Variants in WIPF1 observed in about 807,000 individuals in gnomAD.
The protein encoded by WIPF1 is WAS/WASL interacting protein family member 1.
Under a neutral mutation model 35.4 loss-of-function variants are expected in WIPF1, and 13 were observed. The ratio of observed to expected loss-of-function variants is 0.37; its 90% CI spans 0.24 to 0.58. The LOEUF is 0.58. WIPF1 is among the 20% of genes least tolerant of loss of function. WIPF1 has a pLI of 0.74. For missense variants in WIPF1, 591 were observed against 667.0 expected (o/e 0.89, Z 1.25); for synonymous variants, 267 against 266.3 (o/e 1.00, Z -0.02).
chr2:174,592,525 T>C (rs1467295995), intron 1 of WIPF1, among the ~76,000 whole-genome samples: 2 of 151,926 alleles, frequency 1.3e-5, no homozygotes, highest in Non-Finnish European at 2.9e-5. Flanking sequence ...GTATCAGAAA[T>C]AATATAACTG....
rs559263280 is a variant in WIPF1 at position 174,616,390 on chromosome 2, C to T, written c.-38-30779G>A. ...TCCTCTTCACGAGACAGGGAGGCCT[C>T]GACCCCTGCTGGAATGGCAAGTCTG... On this transcript the variant is annotated intron_variant, in intron 1 of 8. Transcript: ENST00000272746. Among the ~76,000 whole-genome samples, 82 of 152,210 alleles carry T rather than the reference C, an allele frequency of 5.4e-4. 1 individual carries two copies. Among genetic ancestry groups the T allele is most frequent in the Admixed American group, 5.0e-3 (76 of 15,288 alleles).
chr2:174,672,456 C>A (rs1050799434), intron 1 of WIPF1, among the ~76,000 whole-genome samples: 4 of 152,118 alleles, frequency 2.6e-5, no homozygotes, highest in Non-Finnish European at 5.9e-5. Flanking sequence ...CAATGAGATT[C>A]AAGTATAAAC....
intron 1 of WIPF1, among the ~76,000 whole-genome samples, chr2:174,605,847 A>G (rs1686145546): frequency 6.6e-6 from 1 of 152,100 alleles, no homozygotes; most frequent in African/African-American, 2.4e-5. Context: ...AACAAAAAGC[A>G]TTAAAAAAAA....
At position 174,571,769 on chromosome 2, in the gene WIPF1, G is replaced by A. The variant is rs772694388; in HGVS notation, c.1036C>T (p.Pro346Ser). The A allele has an allele frequency of 3.7e-6, 6 of 1,614,226 alleles. No homozygotes were observed. The South Asian group carries it at 4.4e-5, about 12-fold the overall frequency. ...QRNLSLSSST[P>S]PLPSPGRSGP... Reference sequence around the variant, plus strand: ...GAACGTCCTGGCGAAGGTAACGGGGGCGTGGACGAACTGAGGGACAGATTC... The same window carrying A: ...GAACGTCCTGGCGAAGGTAACGGGGACGTGGACGAACTGAGGGACAGATTC... The change falls in exon 5 of 8, where the codon CCC becomes TCC. Residue 346 changes from proline to serine, a missense_variant. This residue lies in a region of WIPF1 where 471 missense variants were observed against 501.1 expected (regional missense o/e 0.94). Transcript: ENST00000679041. The surrounding 1 kb of genome is among the most constrained non-coding windows in gnomAD (Gnocchi z 4.6).
chr2:174,662,602 TAGTA>T (rs1429562261), intron 1 of WIPF1, among the ~76,000 whole-genome samples: 24 of 152,344 alleles, frequency 1.6e-4, no homozygotes, highest in African/African-American at 5.5e-4. Flanking sequence ...CGTGAGTTTC[TAGTA>T]AGTGTTTCTA....
chr2:174,579,671 T>C (rs1382422770), intron 3 of WIPF1, among the ~76,000 whole-genome samples: 1 of 152,194 alleles, frequency 6.6e-6, no homozygotes, highest in African/African-American at 2.4e-5. Context: ...AAGTGGACAT[T>C]GAAGAATACA....
intron 1 of WIPF1, among the ~76,000 whole-genome samples, chr2:174,638,260 A>G (rs1182406773): frequency 1.3e-5 from 2 of 152,190 alleles, no homozygotes; most frequent in Non-Finnish European, 2.9e-5. Flanking sequence ...AGTCTATTTA[A>G]TTTTATTTTT....
chr2:174,567,172 T>C lies in WIPF1; in HGVS notation c.1354A>G (p.Ser452Gly), dbSNP rs2105794887. ...GAAATCGGATGGAAGTAGAATCTGCTTTCCCACTCATCTGGGAAGAGAAAC... is the reference window on the plus strand; with the variant it reads ...GAAATCGGATGGAAGTAGAATCTGCCTTCCCACTCATCTGGGAAGAGAAAC... ...QDSPCEDEWE[S>G]RFYFHPISDL... is the part of the protein sequence containing the mutation. Residue 452 changes from serine (S) to glycine (G), a missense_variant, in exon 7 of 8, where the codon AGC becomes GGC. By Grantham distance (56) the Ser-to-Gly change is moderately conservative. Transcript: ENST00000679041. 6.2e-7 allele frequency: 1 copy of C among 1,614,160 alleles called. No individual in the cohort carries two copies.
intron 1 of WIPF1, among the ~76,000 whole-genome samples, chr2:174,627,430 T>TTTCCTTTCTCTTTCTTTCCTTTCTTTC: frequency 6.9e-6 from 1 of 145,538 alleles, no homozygotes; most frequent in East Asian, 1.9e-4. Flanking sequence ...TCCTTCTTTC[T>TTTCCTTTCTCTTTCTTTCCTTTCTTTC]TTCCTTTCTC....
chr2:174,588,620 G>GT (rs1326963517), intron 1 of WIPF1, among the ~76,000 whole-genome samples: 1 of 152,204 alleles, frequency 6.6e-6, no homozygotes, highest in Non-Finnish European at 1.5e-5. Context: ...CAGGGAGGGC[G>GT]TGTTAACTTC....
chr2:174,563,779 C>T (rs2105786395), intron 7 of WIPF1, among the ~76,000 whole-genome samples: 1 of 152,270 alleles, frequency 6.6e-6, no homozygotes, highest in East Asian at 1.9e-4. Context: ...CTAACCACTG[C>T]TCTGAGACTC....
At chr2:174,600,912 CTTTTTTTTTTTTTTTTTTTTT>C (rs1157973597), upstream of WIPF1, among the ~76,000 whole-genome samples, 1 of 65,428 alleles carries the variant, frequency 1.5e-5, no homozygotes, top group African/African-American at 5.8e-5. Flanking sequence ...CATAATGTTC[CTTTTTTTTTTTTTTTTTTTTT>C]TTTTTTTTTG....
chr2:174,572,036 TG>T lies in WIPF1; in HGVS notation c.768del (p.Ser257AlafsTer113). 2 of 1,547,948 alleles carry T rather than the reference TG, an allele frequency of 1.3e-6. No individual in the cohort carries two copies. Among genetic ancestry groups the T allele is most frequent in the Non-Finnish European group, 1.7e-6 (2 of 1,150,018 alleles). On this transcript the variant is annotated frameshift_variant, in exon 5 of 8. Coordinates refer to ENST00000679041, the MANE Select transcript of WIPF1 (RefSeq NM_001375834.1). LOFTEE classifies it high-confidence loss of function. ...FSNRPPLPPT[P>X]SRALDDKPPP... ...GGGGGTTTGTCATCCAAGGCCCTGC[TG>T]GGGGTAGGCGGCAGGGGAGGCCGGT...
At chr2:174,667,487 G>A (rs1687917057) in intron 1 of WIPF1, among the ~76,000 whole-genome samples, 1 of 152,180 alleles carries the variant, frequency 6.6e-6, no homozygotes, top group African/African-American at 2.4e-5. Context: ...TCCAGCCCTA[G>A]GTTTCTGTCT....
rs979348107 is a variant in WIPF1 at position 174,636,541 on chromosome 2, A to G, written c.-39+46233T>C. 5.3e-5 allele frequency among the ~76,000 whole-genome samples: 8 copies of G among 152,354 alleles called. No homozygotes were observed. The South Asian group carries it at 1.7e-3, about 32-fold the overall frequency. The stretch of plus-strand genomic sequence containing the variant: ...CAATAGTGATACATAATTATTAACT[A>G]AAGTCCACAGTTTATTCAGATGTCC... On this transcript the variant is annotated intron_variant, in intron 1 of 8. Transcript: ENST00000272746.
intron 1 of WIPF1, among the ~76,000 whole-genome samples, chr2:174,647,827 CTG>C (rs1483002669): frequency 7.2e-5 from 11 of 152,174 alleles, no homozygotes; most frequent in Admixed American, 7.2e-4. Flanking sequence ...TTTGGAGAAA[CTG>C]TTTATGTAGC....
At chr2:174,667,647 C>A (rs1687920437) in intron 1 of WIPF1, among the ~76,000 whole-genome samples, 1 of 152,182 alleles carries the variant, frequency 6.6e-6, no homozygotes, top group Non-Finnish European at 1.5e-5. Flanking sequence ...ATGCAGAGCA[C>A]CAGGAGGGGA....
intron 3 of WIPF1, among the ~76,000 whole-genome samples, chr2:174,578,509 A>T (rs1361096498): frequency 1.3e-5 from 2 of 152,258 alleles, no homozygotes; most frequent in Admixed American, 1.3e-4. Context: ...AGGTTTCCTG[A>T]ATAAATATAT....
At chr2:174,585,686 A>G in intron 1 of WIPF1, 75 bp from the exon 2 acceptor site, 1 of 1,052,558 alleles carries the variant, frequency 9.5e-7, no homozygotes, top group South Asian at 1.4e-5. Context: ...TCACTTTCCC[A>G]CCAAAGTGAC....
Sources: allele counts gnomAD v4.1 joint callset (sites outside exome capture counted in the v4.1 genomes callset), GRCh38; gene constraint gnomAD v4.1.1; regional missense constraint gnomAD v4.1.1; non-coding constraint Gnocchi (gnomAD v3.1); transcripts MANE v1.5; gene names NCBI Gene and HGNC (gene_info 2026-07-23, HGNC 2026-07-21).